Variants in KCNH1 observed in about 807,000 individuals in gnomAD.
KCNH1 encodes the protein voltage-gated delayed rectifier potassium channel KCNH1.
KCNH1 carries 27 observed loss-of-function variants against 69.2 expected under a neutral mutation model. The ratio of observed to expected loss-of-function variants is 0.39; its 90% CI spans 0.29 to 0.54. The LOEUF (loss-of-function observed/expected upper bound fraction) is 0.54. Among genes scored for constraint, KCNH1 ranks in the 20% least tolerant of loss-of-function variants. The pLI, the probability that KCNH1 is intolerant of heterozygous loss-of-function variation, is 0.68. For missense variants in KCNH1, 798 were observed against 1,261.6 expected (o/e 0.63, Z 5.57); for synonymous variants, 456 against 487.7 (o/e 0.93, Z 0.86).
At chr1:210,799,634 A>G (rs1317840765) in intron 8 of KCNH1, among the ~76,000 whole-genome samples, 1 of 152,254 alleles carries the variant, frequency 6.6e-6, no homozygotes, top group African/African-American at 2.4e-5. Context: ...AAGTGTTTCT[A>G]AAATAATCCA....
chr1:211,110,502 A>G (rs537130978), intron 1 of KCNH1, among the ~76,000 whole-genome samples: 54 of 152,314 alleles, frequency 3.5e-4, no homozygotes, highest in South Asian at 2.7e-3. Context: ...AACAAAAACC[A>G]AAATCTCATG....
chr1:210,982,201 G>A (rs991726764), intron 6 of KCNH1, among the ~76,000 whole-genome samples: 9 of 147,898 alleles, frequency 6.1e-5, no homozygotes, highest in African/African-American at 1.5e-4. Context: ...TAACAGCTAC[G>A]AAAAGGATGC....
intron 7 of KCNH1, among the ~76,000 whole-genome samples, chr1:210,887,047 C>T (rs182536627): frequency 2.6e-5 from 4 of 152,056 alleles, no homozygotes; most frequent in Admixed American, 6.6e-5. Context: ...ATACAGAGAA[C>T]ACCAAAAACA....
intron 1 of KCNH1, among the ~76,000 whole-genome samples, chr1:211,111,809 G>A (rs372126375): frequency 2.1e-4 from 21 of 97,896 alleles, no homozygotes; most frequent in East Asian, 8.7e-4. Flanking sequence ...CTACTGCACC[G>A]TCTAGGAAGT....
At chr1:210,707,901 A>G (rs1558432269) in intron 10 of KCNH1, among the ~76,000 whole-genome samples, 1 of 152,220 alleles carries the variant, frequency 6.6e-6, no homozygotes, top group Non-Finnish European at 1.5e-5. Flanking sequence ...TAATTTTCAC[A>G]GAACGGCAAA....
chr1:210,715,402 C>T (rs1682202111), intron 10 of KCNH1, among the ~76,000 whole-genome samples: 1 of 152,050 alleles, frequency 6.6e-6, no homozygotes, highest in African/African-American at 2.4e-5. Flanking sequence ...CACAGTGACT[C>T]ACACATGTAA....
intron 10 of KCNH1, among the ~76,000 whole-genome samples, chr1:210,736,825 C>G (rs1242361061): frequency 6.6e-6 from 1 of 152,164 alleles, no homozygotes; most frequent in Non-Finnish European, 1.5e-5. Flanking sequence ...CTCTAATTCT[C>G]ACAGTACTTA....
intron 7 of KCNH1, 136 bp from the exon 8 acceptor site, chr1:210,804,302 T>C (rs1291786471): frequency 1.5e-6 from 1 of 686,592 alleles, no homozygotes; most frequent in African/African-American, 1.8e-5. Context: ...GCCCTGACTA[T>C]TCTCAGGAGA....
chr1:210,920,659 TA>T (rs35882578), intron 6 of KCNH1, among the ~76,000 whole-genome samples: 39,887 of 151,730 alleles, frequency 0.26, 5,508 homozygotes, highest in Non-Finnish European at 0.29. Context: ...CTTTTATAAT[TA>T]AAAAAATAAG....
intron 7 of KCNH1, among the ~76,000 whole-genome samples, chr1:210,812,273 A>G (rs1242866569): frequency 6.6e-6 from 1 of 152,078 alleles, no homozygotes; most frequent in East Asian, 1.9e-4. Context: ...GCCACTATAT[A>G]TTTTCTAAAT....
chr1:211,036,204 G>A (rs910071154), intron 5 of KCNH1, among the ~76,000 whole-genome samples: 1 of 152,160 alleles, frequency 6.6e-6, no homozygotes. Context: ...TAGGGAAGAA[G>A]AGTTGGCCAT....
intron 9 of KCNH1, among the ~76,000 whole-genome samples, chr1:210,777,597 A>T (rs943541174): frequency 6.6e-6 from 1 of 152,174 alleles, no homozygotes; most frequent in Non-Finnish European, 1.5e-5. Context: ...CTCAGTTCTA[A>T]CCAACAAGGC....
intron 7 of KCNH1, among the ~76,000 whole-genome samples, chr1:210,849,832 T>C (rs1007188300): frequency 2.6e-5 from 4 of 152,144 alleles, no homozygotes; most frequent in Non-Finnish European, 4.4e-5. Flanking sequence ...AATAAATCCC[T>C]TCCTGCTGTT....
intron 3 of KCNH1, among the ~76,000 whole-genome samples, chr1:211,102,416 C>T (rs956428085): frequency 6.6e-6 from 1 of 152,150 alleles, no homozygotes; most frequent in Non-Finnish European, 1.5e-5. Flanking sequence ...TCTTTCCCTT[C>T]GTTCCTCTCC....
chr1:210,859,075 A>T (rs1462916648), intron 7 of KCNH1: 26 of 749,770 alleles, frequency 3.5e-5, no homozygotes, highest in Non-Finnish European at 5.3e-5. Context: ...TCTACTGATC[A>T]TTAGTTTAGA....
At chr1:211,019,706 C>A (rs929813288) in intron 5 of KCNH1, among the ~76,000 whole-genome samples, 1 of 152,202 alleles carries the variant, frequency 6.6e-6, no homozygotes, top group African/African-American at 2.4e-5. Context: ...AATACACATT[C>A]TTCTCATCAG....
intron 6 of KCNH1, among the ~76,000 whole-genome samples, chr1:210,937,421 A>C (rs980826458): frequency 6.6e-6 from 1 of 152,244 alleles, no homozygotes; most frequent in Admixed American, 6.5e-5. Flanking sequence ...ATGCAACTAC[A>C]GTATGAGCAC....
intron 7 of KCNH1, among the ~76,000 whole-genome samples, chr1:210,900,158 G>C (rs1686964412): frequency 6.6e-6 from 1 of 152,198 alleles, no homozygotes; most frequent in Non-Finnish European, 1.5e-5. Context: ...AAGGCAGAGA[G>C]AGATTTAAAC....
At chr1:211,086,829 G>A (rs971251153) in intron 4 of KCNH1, among the ~76,000 whole-genome samples, 2 of 152,086 alleles carry the variant, frequency 1.3e-5, no homozygotes, top group Non-Finnish European at 2.9e-5. Flanking sequence ...TGAGATACAG[G>A]GTCAGAAATT....
Sources: allele counts gnomAD v4.1 joint callset (sites outside exome capture counted in the v4.1 genomes callset), GRCh38; gene constraint gnomAD v4.1.1; transcripts MANE v1.5; gene names NCBI Gene and HGNC (gene_info 2026-07-23, HGNC 2026-07-21).